Variants in SUMF1 observed in about 807,000 individuals in gnomAD.
The protein encoded by SUMF1 is sulfatase modifying factor 1, also known as formylglycine-generating enzyme.
Under a neutral mutation model 47.6 loss-of-function variants are expected in SUMF1, and 48 were observed. The observed-to-expected ratio is 1.01, with a 90% CI of 0.80 to 1.28. The LOEUF (loss-of-function observed/expected upper bound fraction) is 1.28, where lower values mean the gene tolerates loss of function less well. Ranked by LOEUF, SUMF1 falls within the 50% of genes most tolerant of loss-of-function variation. The pLI is 0.00. For missense variants in SUMF1, 571 were observed against 485.4 expected (o/e 1.18, Z -1.66); for synonymous variants, 230 against 192.1 (o/e 1.20, Z -1.63).
At chr3:4,224,876 G>A (rs906178427) in intron 8 of SUMF1, among the ~76,000 whole-genome samples, 1 of 152,094 alleles carries the variant, frequency 6.6e-6, no homozygotes. Context: ...TGATTCTCAA[G>A]TCCCTGATCC....
At chr3:4,211,226 A>ATC (rs1553609422) in intron 8 of SUMF1, among the ~76,000 whole-genome samples, 1 of 136,910 alleles carries the variant, frequency 7.3e-6, no homozygotes, top group African/African-American at 2.8e-5. Flanking sequence ...ATATATATAT[A>ATC]TCCTATTAGT....
chr3:4,366,766 C>T (rs565426915), intron 8 of SUMF1, among the ~76,000 whole-genome samples: 1 of 151,150 alleles, frequency 6.6e-6, no homozygotes, highest in South Asian at 2.1e-4. Context: ...TGAGGAACTG[C>T]GTTCCTTTGG....
At chr3:4,441,799 A>G (rs1702596149) in intron 3 of SUMF1, among the ~76,000 whole-genome samples, 1 of 152,192 alleles carries the variant, frequency 6.6e-6, no homozygotes, top group African/African-American at 2.4e-5. Context: ...TCAATGTTTT[A>G]CCTCAAAACT....
intron 8 of SUMF1, among the ~76,000 whole-genome samples, chr3:4,272,205 G>C (rs1697318670): frequency 6.6e-6 from 1 of 152,142 alleles, no homozygotes; most frequent in South Asian, 2.1e-4. Context: ...TGTTTTCAAG[G>C]TTGGTTTCCT....
intron 8 of SUMF1, among the ~76,000 whole-genome samples, chr3:4,291,883 CT>C (rs1273560647): frequency 6.6e-6 from 1 of 152,172 alleles, no homozygotes; most frequent in Non-Finnish European, 1.5e-5. Flanking sequence ...CACCAAACGT[CT>C]TTTGCCAACT....
chr3:4,208,312 A>T (rs1695697841), intron 8 of SUMF1, among the ~76,000 whole-genome samples: 1 of 152,066 alleles, frequency 6.6e-6, no homozygotes, highest in South Asian at 2.1e-4. Flanking sequence ...CCAGGGACAC[A>T]GTCTCATAAA....
chr3:4,230,952 T>C (rs1038365198), intron 8 of SUMF1, among the ~76,000 whole-genome samples: 3 of 152,186 alleles, frequency 2.0e-5, no homozygotes, highest in East Asian at 1.9e-4. Flanking sequence ...AAAAAGTCTA[T>C]GCTTTAAAGG....
At chr3:4,358,226 T>C (rs1351690383), downstream of SUMF1, among the ~76,000 whole-genome samples, 11 of 152,138 alleles carry the variant, frequency 7.2e-5, no homozygotes, top group African/African-American at 1.9e-4. Context: ...TCAACTGTCA[T>C]GTACAGTCCA....
At chr3:4,439,368 T>C (rs1256453867) in intron 3 of SUMF1, among the ~76,000 whole-genome samples, 1 of 151,084 alleles carries the variant, frequency 6.6e-6, no homozygotes. Context: ...TACAAAAAAA[T>C]ACAAAAATTA....
chr3:4,134,126 C>A (rs1343538486), intron 8 of SUMF1, among the ~76,000 whole-genome samples: 1 of 152,146 alleles, frequency 6.6e-6, no homozygotes, highest in African/African-American at 2.4e-5. Flanking sequence ...ACCTAATAGA[C>A]ATCTACAGAA....
At chr3:4,368,927 C>A (rs1205753708) in intron 8 of SUMF1, among the ~76,000 whole-genome samples, 1 of 152,158 alleles carries the variant, frequency 6.6e-6, no homozygotes, top group Non-Finnish European at 1.5e-5. Context: ...TGGCCCAGTA[C>A]AGCTCAAGTC....
chr3:4,349,002 G>A (rs1453770018), intron 8 of SUMF1, among the ~76,000 whole-genome samples: 2 of 152,184 alleles, frequency 1.3e-5, no homozygotes, highest in African/African-American at 4.8e-5. Context: ...TTGACAAATG[G>A]AATCTAATTA....
intron 9 of SUMF1, among the ~76,000 whole-genome samples, chr3:4,042,113 A>G (rs1421488145): frequency 6.6e-6 from 1 of 152,202 alleles, no homozygotes; most frequent in African/African-American, 2.4e-5. Flanking sequence ...TCTGCAACTC[A>G]GTCATCTTCC....
At chr3:4,261,338 G>A (rs1467270609) in intron 8 of SUMF1, among the ~76,000 whole-genome samples, 3 of 148,276 alleles carry the variant, frequency 2.0e-5, no homozygotes, top group Admixed American at 1.3e-4. Context: ...TAAGTAAAAG[G>A]AAGAAGAAGA....
In SUMF1 at chr3:4,350,267, C is replaced by T. The variant is rs540516643; in HGVS notation, c.1014+26063G>A. Among the ~76,000 whole-genome samples, 5 of 151,972 alleles carry T rather than the reference C, an allele frequency of 3.3e-5. No individual in the cohort carries two copies. The East Asian group carries it at 9.7e-4, about 29-fold the overall frequency. ...TCAAACTCCTGACCTCGTGATCTGC[C>T]CACCTTGGCCTCCCAAAGTTCTGGG... On this transcript the variant is annotated intron_variant and NMD_transcript_variant, in intron 8 of 12. Coordinates refer to the SUMF1 transcript ENST00000448413.
chr3:4,376,214 GGGGTTAGGT>G, intron 8 of SUMF1, 107 bp downstream of exon 8: 1 of 1,248,432 alleles, frequency 8.0e-7, no homozygotes, highest in Admixed American at 1.7e-5. Flanking sequence ...TGGTTTCAGT[GGGGTTAGGT>G]AGGCATTTGC....
intron 8 of SUMF1, among the ~76,000 whole-genome samples, chr3:4,155,316 T>C (rs1444052): frequency 0.26 from 38,926 of 151,186 alleles, 5,980 homozygotes; most frequent in East Asian, 0.4. Context: ...ACTCTTTCCA[T>C]GTTTGAGGAA....
Position 4,376,360 on chromosome 3 carries a change from C to G in SUMF1, c.984G>C (p.Val328=). ...GGCACATGTAGGATCCACCTTTCTT[C>G]ACTCGGTCTTTCCCAGAAGGGGGAC... ...PKGPPSGKDR[V]KKGGSYMCHR... Residue 328 remains valine (V), a synonymous_variant, in exon 8 of 9, where the codon GTG becomes GTC. Coordinates refer to ENST00000272902, the MANE Select transcript of SUMF1 (RefSeq NM_182760.4). 6.2e-7 allele frequency: 1 copy of G among 1,614,156 alleles called. No homozygotes were observed. The highest frequency in any genetic ancestry group is 1.1e-5 in the South Asian group (1 of 91,088).
At chr3:4,334,184 G>T (rs1207313120) in intron 8 of SUMF1, among the ~76,000 whole-genome samples, 1 of 151,900 alleles carries the variant, frequency 6.6e-6, no homozygotes, top group Non-Finnish European at 1.5e-5. Flanking sequence ...GGAAACAAAA[G>T]GTGTTGAAAG....
Sources: gnomAD v4.1 joint callset for allele counts (sites outside exome capture counted in the v4.1 genomes callset) on GRCh38, gnomAD v4.1.1 for gene constraint, MANE v1.5 for transcripts, NCBI Gene and HGNC (gene_info 2026-07-23, HGNC 2026-07-21) for gene names.